The following PCDHGB3 variants were observed in gnomAD, a reference collection of about 807,000 sequenced individuals.
PCDHGB3 encodes protocadherin gamma subfamily B, 3, also known as protocadherin gamma-B3.
A neutral mutation model predicts 59.2 loss-of-function variants in PCDHGB3; 40 were observed. That is an observed-to-expected ratio of 0.68 (90% CI 0.52 to 0.88). The LOEUF (loss-of-function observed/expected upper bound fraction) is 0.88, where lower values mean the gene tolerates loss of function less well. PCDHGB3 is among the 40% of genes least tolerant of loss of function. The pLI, the probability that PCDHGB3 is intolerant of heterozygous loss-of-function variation, is 0.00. For missense variants in PCDHGB3, 1,309 were observed against 1,187.9 expected (o/e 1.10, Z -1.50); for synonymous variants, 581 against 503.6 (o/e 1.15, Z -2.06).
chr5:141,375,956 G>A (rs760158486), intron 1 of PCDHGB3: 16 of 1,613,506 alleles, frequency 9.9e-6, no homozygotes, highest in South Asian at 3.3e-5. Flanking sequence ...GCACACGGGC[G>A]AGGTGCGCAC....
intron 1 of PCDHGB3, chr5:141,374,957 TTC>T (rs1770979960): frequency 6.2e-7 from 1 of 1,613,926 alleles, no homozygotes; most frequent in Non-Finnish European, 8.5e-7. Context: ...CTCACAAATT[TTC>T]TGTTTGAATG....
intron 1 of PCDHGB3, chr5:141,408,804 A>G (rs577658697): frequency 1.9e-6 from 3 of 1,613,264 alleles, no homozygotes; most frequent in African/African-American, 2.7e-5. Context: ...AAACTCCTAG[A>G]CCGGGAAGAA....
chr5:141,372,826 C>T lies in PCDHGB3; in HGVS notation c.2415+17C>T, dbSNP rs376912168. 327 of 1,554,742 alleles carry T rather than the reference C, an allele frequency of 2.1e-4. 8 individuals are homozygous for T. The South Asian group carries it at 3.7e-3, about 18-fold the overall frequency. ...TTGCAAAAGGTGAGTTTCTTCAAAC[C>T]TTTCCTTCCATAAATATAATTGGGT... is the stretch of plus-strand genomic sequence containing the variant. On this transcript the variant is annotated intron_variant, in intron 1 of 3. Coordinates refer to ENST00000576222, the MANE Select transcript of PCDHGB3 (RefSeq NM_018924.5).
intron 1 of PCDHGB3, chr5:141,387,709 A>G: frequency 2.0e-6 from 2 of 1,008,632 alleles, no homozygotes; most frequent in Non-Finnish European, 2.9e-6. Context: ...GGGCAGCCCC[A>G]GCTCAGACTC....
At chr5:141,384,278 A>T in intron 1 of PCDHGB3, 1 of 1,613,842 alleles carries the variant, frequency 6.2e-7, no homozygotes, top group Non-Finnish European at 8.5e-7. Context: ...TACTCAGTCT[A>T]CATCGCTGAG....
At chr5:141,481,913 C>CAA (rs34114744) in intron 1 of PCDHGB3, among the ~76,000 whole-genome samples, 26 of 90,736 alleles carry the variant, frequency 2.9e-4, no homozygotes, top group Non-Finnish European at 3.5e-4. Context: ...AACTCCATCT[C>CAA]AAAAAAAAAA....
rs753032334 is a variant in PCDHGB3 at position 141,372,277 on chromosome 5, C to G, written c.1883C>G (p.Thr628Arg). The G allele has an allele frequency of 7.4e-6, 12 of 1,612,994 alleles. No individual in the cohort carries two copies. Among genetic ancestry groups the G allele is most frequent in the Middle Eastern group, 3.3e-4 (2 of 6,080 alleles). Reference sequence around the variant, plus strand: ...GGCCTGCGCACGGGTGAGGTGCGCACGGCGCGTACCTTGGGCGACAGGGAG... The same window carrying G: ...GGCCTGCGCACGGGTGAGGTGCGCAGGGCGCGTACCTTGGGCGACAGGGAG... ...SLGLRTGEVR[T>R]ARTLGDREAA... Residue 628 changes from threonine (T) to arginine (R), a missense_variant, in exon 1 of 4, where the codon ACG becomes AGG. Physicochemically the swap from Thr to Arg is moderately conservative, Grantham distance 71 (BLOSUM62 -1). Transcript: ENST00000576222.
At chr5:141,508,162 G>A (rs377676571) in intron 3 of PCDHGB3, 4 of 152,502 alleles carry the variant, frequency 2.6e-5, no homozygotes, top group African/African-American at 9.7e-5. Context: ...CCTGAGTAGA[G>A]GCTGGCACAG....
At chr5:141,384,078 A>G in intron 1 of PCDHGB3, 1 of 1,598,728 alleles carries the variant, frequency 6.3e-7, no homozygotes. Context: ...TACCTTTTAA[A>G]TTAGAAAAAT....
At chr5:141,422,897 A>AT (rs778069795) in intron 1 of PCDHGB3, 4 of 1,614,212 alleles carry the variant, frequency 2.5e-6, no homozygotes, top group Non-Finnish European at 3.4e-6. Flanking sequence ...CTGGACCAGA[A>AT]CGACAATGCG....
intron 1 of PCDHGB3, chr5:141,421,221 G>A (rs746753262): frequency 6.3e-7 from 1 of 1,576,508 alleles, no homozygotes; most frequent in Non-Finnish European, 8.6e-7. Context: ...TCGGCTTAGA[G>A]CCTGCCATGG....
chr5:141,485,762 G>A lies in PCDHGB3; in HGVS notation c.2416-9045G>A, dbSNP rs774145313. 3.1e-6 allele frequency: 5 copies of A among 1,614,226 alleles called. No homozygotes were observed. The highest frequency in any genetic ancestry group is 3.3e-5 in the Admixed American group (2 of 60,030). ...CAGCCTGGTCCCAGAGCTGCTCCTG[G>A]AGAAGCCTTTGGATCGAGAGAAGCA... On this transcript the variant is annotated intron_variant, in intron 1 of 3. Transcript: ENST00000576222. The surrounding 1 kb of genome is among the most constrained non-coding windows in gnomAD (Gnocchi z 5.7).
At chr5:141,377,295 G>A (rs2150107676) in intron 1 of PCDHGB3, 2 of 152,102 alleles carry the variant, frequency 1.3e-5, no homozygotes, top group Middle Eastern at 6.8e-3. Context: ...CTTAATTTAG[G>A]TCAGTGTTAA....
intron 1 of PCDHGB3, chr5:141,478,167 G>A: frequency 6.2e-7 from 1 of 1,613,772 alleles, no homozygotes; most frequent in Non-Finnish European, 8.5e-7. Context: ...TCTGCCCCCC[G>A]GGAGCAGAAA....
At chr5:141,499,212 G>A (rs904920940) in intron 2 of PCDHGB3, among the ~76,000 whole-genome samples, 1 of 151,898 alleles carries the variant, frequency 6.6e-6, no homozygotes, top group African/African-American at 2.4e-5. Context: ...TGTAACCCAG[G>A]CCCTGCCCTG....
At chr5:141,418,344 T>G (rs746519142) in intron 1 of PCDHGB3, 1 of 1,614,008 alleles carries the variant, frequency 6.2e-7, no homozygotes, top group Non-Finnish European at 8.5e-7. Context: ...GATCCTGATA[T>G]TAGTATGAAT....
intron 1 of PCDHGB3, among the ~76,000 whole-genome samples, chr5:141,484,138 G>A (rs184277779): frequency 6.6e-6 from 1 of 152,244 alleles, no homozygotes; most frequent in Admixed American, 6.5e-5. Context: ...TCAGATAAAG[G>A]GAATTTGTAG....
At chr5:141,403,266 A>G in intron 1 of PCDHGB3, 11 of 1,613,858 alleles carry the variant, frequency 6.8e-6, no homozygotes, top group Non-Finnish European at 9.3e-6. Context: ...TGTCTGGTGA[A>G]CTTTAAAGTC....
At position 141,410,315 on chromosome 5, in the gene PCDHGB3, C is replaced by G. The variant is rs781293010; in HGVS notation, c.2415+37506C>G. 3 of 1,614,040 alleles carry G rather than the reference C, an allele frequency of 1.9e-6. No homozygotes were observed. In the East Asian group the frequency reaches 6.7e-5, roughly 36 times the overall value. On this transcript the variant is annotated intron_variant, in intron 1 of 3. Coordinates refer to ENST00000576222, the MANE Select transcript of PCDHGB3 (RefSeq NM_018924.5). ...GGCCTTAATCTCAGTGCTCTTCCTCCTCGCCGTGATTCTGGCCATTGCCTT... is the reference window on the plus strand; with the variant it reads ...GGCCTTAATCTCAGTGCTCTTCCTCGTCGCCGTGATTCTGGCCATTGCCTT...
Sources: allele counts gnomAD v4.1 joint callset (sites outside exome capture counted in the v4.1 genomes callset), GRCh38; gene constraint gnomAD v4.1.1; non-coding constraint Gnocchi (gnomAD v3.1); transcripts MANE v1.5; gene names NCBI Gene and HGNC (gene_info 2026-07-23, HGNC 2026-07-21).